NRG1: variants seen among roughly 807,000 people sequenced by gnomAD.
The protein encoded by NRG1 is pro-neuregulin-1, membrane-bound isoform.
In NRG1, 18 loss-of-function variants were observed where a neutral mutation model predicts 63.8. The ratio of observed to expected loss-of-function variants is 0.28; its 90% CI spans 0.19 to 0.42. NRG1 has a LOEUF of 0.42. Ranked by LOEUF, NRG1 falls within the 10% of genes least tolerant of loss-of-function variation. NRG1 has a pLI of 1.00. For synonymous variants in NRG1, 302 were observed against 301.3 expected, an observed-to-expected ratio of 1.00 and a Z score of -0.02; for missense variants, 762 against 814.7, an observed-to-expected ratio of 0.94 and a Z score of 0.79.
At chr8:32,722,048 G>A (rs1244280942) in intron 5 of NRG1, 2 of 1,543,594 alleles carry the variant, frequency 1.3e-6, no homozygotes, top group Non-Finnish European at 8.7e-7. Flanking sequence ...TACAGGTAAG[G>A]TTAAAAAAAA....
At position 31,839,445 on chromosome 8, in the gene NRG1, T is replaced by A. The variant is rs1294725527; in HGVS notation, c.37+200014T>A. The stretch of plus-strand genomic sequence containing the variant: ...TCTTTTTTTCAAGGGAGTAGACCAC[T>A]GTTCCACATGTTCCACAGTTGTTTT... On this transcript the variant is annotated intron_variant, in intron 1 of 10. Transcript: ENST00000519301. Among the ~76,000 whole-genome samples, 5 of 152,328 alleles carry A rather than the reference T, an allele frequency of 3.3e-5. No homozygotes were observed. In the East Asian group the frequency reaches 5.8e-4, roughly 18 times the overall value.
At chr8:31,948,164 A>G (rs1333229473) in intron 1 of NRG1, among the ~76,000 whole-genome samples, 1 of 152,166 alleles carries the variant, frequency 6.6e-6, no homozygotes, top group African/African-American at 2.4e-5. Context: ...TTACCAAAGC[A>G]TCATATATTT....
At chr8:31,913,378 AAT>A (rs1833107945) in intron 1 of NRG1, among the ~76,000 whole-genome samples, 1 of 152,194 alleles carries the variant, frequency 6.6e-6, no homozygotes, top group African/African-American at 2.4e-5. Flanking sequence ...TTTCTTTACA[AAT>A]ATTTTCCCAT....
intron 1 of NRG1, among the ~76,000 whole-genome samples, chr8:32,220,089 G>A (rs1041908081): frequency 3.3e-5 from 5 of 152,016 alleles, no homozygotes; most frequent in African/African-American, 7.2e-5. Context: ...GGAAGGCGGG[G>A]GTGCTCTTAA....
intron 1 of NRG1, among the ~76,000 whole-genome samples, chr8:32,229,839 AT>A (rs1846724370): frequency 6.6e-6 from 1 of 151,068 alleles, no homozygotes; most frequent in Non-Finnish European, 1.5e-5. Flanking sequence ...CTCTAGACAC[AT>A]TTTTTCATTT....
At chr8:31,844,789 A>T (rs781054822) in intron 1 of NRG1, among the ~76,000 whole-genome samples, 2 of 149,454 alleles carry the variant, frequency 1.3e-5, no homozygotes, top group Admixed American at 6.7e-5. Context: ...GGCTTGGTGA[A>T]TTTTTTTTTT....
chr8:31,838,172 A>T (rs1028589169), intron 1 of NRG1, among the ~76,000 whole-genome samples: 7 of 152,110 alleles, frequency 4.6e-5, no homozygotes, highest in Non-Finnish European at 7.4e-5. Flanking sequence ...CTAAAGATGT[A>T]AAGTATGACT....
intron 5 of NRG1, among the ~76,000 whole-genome samples, chr8:32,715,186 C>T (rs1818868646): frequency 6.6e-6 from 1 of 152,070 alleles, no homozygotes; most frequent in Non-Finnish European, 1.5e-5. Flanking sequence ...AACTCCTGTG[C>T]TCTTGCCATC....
At chr8:32,760,310 G>T in exon 11 of NRG1, 2 of 1,614,068 alleles carry the variant, frequency 1.2e-6, no homozygotes, top group Non-Finnish European at 8.5e-7. Flanking sequence ...CCAAGAGGAC[G>T]TCTTAATGGC....
intron 1 of NRG1, among the ~76,000 whole-genome samples, chr8:31,875,127 GAGGGAGAACT>G (rs1400719431): frequency 6.6e-6 from 1 of 152,130 alleles, no homozygotes; most frequent in East Asian, 1.9e-4. Context: ...GCCTAGTGTA[GAGGGAGAACT>G]CCTGCCTCTG....
chr8:32,553,229 A>G (rs1254796228), intron 1 of NRG1, among the ~76,000 whole-genome samples: 1 of 152,200 alleles, frequency 6.6e-6, no homozygotes, highest in African/African-American at 2.4e-5. Flanking sequence ...ATGAAGCTTA[A>G]AGGAAATAAT....
intron 1 of NRG1, among the ~76,000 whole-genome samples, chr8:31,747,281 C>T (rs986878404): frequency 1.3e-5 from 2 of 151,872 alleles, no homozygotes; most frequent in East Asian, 1.9e-4. Flanking sequence ...CCATGTACCC[C>T]GTGAATATAT....
chr8:31,947,643 C>T (rs115955805), intron 1 of NRG1, among the ~76,000 whole-genome samples: 1,602 of 152,052 alleles, frequency 0.011, 26 homozygotes, highest in African/African-American at 0.037. Flanking sequence ...GCCATGCAAA[C>T]GTAGAAATAC....
intron 1 of NRG1, among the ~76,000 whole-genome samples, chr8:32,476,943 G>A (rs1824593574): frequency 6.6e-6 from 1 of 152,128 alleles, no homozygotes; most frequent in Admixed American, 6.5e-5. Flanking sequence ...AAGTTCTTAT[G>A]TAGCACATTA....
At chr8:31,761,449 T>G (rs920083100) in intron 1 of NRG1, among the ~76,000 whole-genome samples, 6 of 151,986 alleles carry the variant, frequency 3.9e-5, no homozygotes, top group African/African-American at 1.4e-4. Flanking sequence ...ACTTAAAGTA[T>G]AATAATAAAA....
intron 3 of NRG1, among the ~76,000 whole-genome samples, chr8:32,608,333 G>A (rs955392508): frequency 1.5e-4 from 22 of 150,736 alleles, no homozygotes; most frequent in African/African-American, 4.9e-4. Context: ...ATTACGCCTG[G>A]CTAATTAAAA....
chr8:31,990,351 T>C (rs897465992), intron 1 of NRG1, among the ~76,000 whole-genome samples: 3 of 152,118 alleles, frequency 2.0e-5, no homozygotes, highest in Non-Finnish European at 2.9e-5. Flanking sequence ...GATATGCTTT[T>C]GAAATTTTTT....
intron 1 of NRG1, among the ~76,000 whole-genome samples, chr8:32,425,091 A>C (rs2129486359): frequency 6.6e-6 from 1 of 152,284 alleles, no homozygotes; most frequent in Admixed American, 6.5e-5. Flanking sequence ...TATCAGTAGC[A>C]TTTCTCCAAC....
chr8:32,102,792 A>G (rs139115164), intron 1 of NRG1, among the ~76,000 whole-genome samples: 1 of 152,178 alleles, frequency 6.6e-6, no homozygotes, highest in Non-Finnish European at 1.5e-5. Flanking sequence ...CAGTAATAGT[A>G]TCGAATATTA....
Sources: allele counts gnomAD v4.1 joint callset (sites outside exome capture counted in the v4.1 genomes callset), GRCh38; gene constraint gnomAD v4.1.1; transcripts MANE v1.5; gene names NCBI Gene and HGNC (gene_info 2026-07-23, HGNC 2026-07-21).